CPT1A: variants seen among roughly 807,000 people sequenced by gnomAD.
The protein encoded by CPT1A is carnitine O-palmitoyltransferase 1, liver isoform.
In CPT1A, 64 loss-of-function variants were observed where a neutral mutation model predicts 100.8. The observed-to-expected ratio is 0.63, with a 90% CI of 0.52 to 0.78. CPT1A has a LOEUF of 0.78. CPT1A is among the 30% of genes least tolerant of loss of function. CPT1A has a pLI of 0.00. For synonymous variants in CPT1A, 363 were observed against 396.0 expected, an observed-to-expected ratio of 0.92 and a Z score of 0.99; for missense variants, 802 against 1,034.1, an observed-to-expected ratio of 0.78 and a Z score of 3.08.
intron 12 of CPT1A, among the ~76,000 whole-genome samples, chr11:68,779,006 G>A (rs542669353): frequency 3.2e-4 from 48 of 152,092 alleles, no homozygotes; most frequent in African/African-American, 1.1e-3. Flanking sequence ...GGATGGTCTC[G>A]TTCTCCTGAC....
intron 13 of CPT1A, chr11:68,773,647 A>G (rs1405941967): frequency 1.0e-5 from 7 of 680,144 alleles, no homozygotes; most frequent in Non-Finnish European, 1.4e-5. Flanking sequence ...CGGGTCTGAC[A>G]TGAGCAGGCC....
chr11:68,838,357 C>T (rs1264389632), intron 1 of CPT1A, among the ~76,000 whole-genome samples: 1 of 151,902 alleles, frequency 6.6e-6, no homozygotes, highest in Non-Finnish European at 1.5e-5. Context: ...GGAGATCCAA[C>T]CTTCACCTGA....
At chr11:68,828,403 G>GCC (rs34854628) in intron 1 of CPT1A, among the ~76,000 whole-genome samples, 108,720 of 151,526 alleles carry the variant, frequency 0.72, 42,135 homozygotes, top group Non-Finnish European at 0.87. Flanking sequence ...CTGGGTCAGG[G>GCC]CCCCCCACCT....
chr11:68,776,507 T>G (rs1024419027), intron 12 of CPT1A, among the ~76,000 whole-genome samples: 9 of 152,206 alleles, frequency 5.9e-5, no homozygotes, highest in African/African-American at 1.7e-4. Context: ...GGCACATACA[T>G]ACACACAGAA....
chr11:68,834,443 A>G (rs1307881975), intron 1 of CPT1A, among the ~76,000 whole-genome samples: 1 of 152,022 alleles, frequency 6.6e-6, no homozygotes, highest in Non-Finnish European at 1.5e-5. Context: ...CTCAAAAAAT[A>G]AAAATAATAA....
At chr11:68,779,409 G>A (rs1229482103) in intron 12 of CPT1A, among the ~76,000 whole-genome samples, 1 of 150,178 alleles carries the variant, frequency 6.7e-6, no homozygotes, top group Non-Finnish European at 1.5e-5. Flanking sequence ...GAACCTGACC[G>A]GTGAGTTAAG....
intron 9 of CPT1A, among the ~76,000 whole-genome samples, chr11:68,788,529 G>A (rs1427645236): frequency 6.6e-6 from 1 of 151,158 alleles, no homozygotes; most frequent in Non-Finnish European, 1.5e-5. Flanking sequence ...AAACTGGAAG[G>A]TGCGGTTTGC....
chr11:68,769,449 C>T (rs1364684062), intron 14 of CPT1A, among the ~76,000 whole-genome samples: 65 of 150,376 alleles, frequency 4.3e-4, no homozygotes, highest in Admixed American at 4.0e-3. Context: ...TAGAGTCTCC[C>T]CATATTGCCC....
intron 14 of CPT1A, among the ~76,000 whole-genome samples, chr11:68,769,408 T>TC (rs1854922058): frequency 6.6e-6 from 1 of 150,922 alleles, no homozygotes; most frequent in Admixed American, 6.6e-5. Context: ...GGCTAATTTT[T>TC]TTTTTTTTTT....
chr11:68,843,810 G>A (rs894986475), upstream of CPT1A, among the ~76,000 whole-genome samples: 1 of 152,214 alleles, frequency 6.6e-6, no homozygotes, highest in Non-Finnish European at 1.5e-5. This position sits in a 1 kb window ranked among gnomAD's most constrained non-coding sequence, Gnocchi z 4.0. Context: ...TGCACCCCAC[G>A]AGCCCGGGCG....
At position 68,757,347 on chromosome 11, in the gene CPT1A, T is replaced by C. The variant is rs192951318; in HGVS notation, c.*297A>G. ...GTGTGTGAAGCCACAACCCTACTAA[T>C]TCCTTCATTAACTCAACAAGATTTG... On this transcript the variant is annotated 3_prime_UTR_variant, in exon 19 of 19. Transcript: ENST00000265641. 1 of 1,281,764 alleles carries C rather than the reference T, an allele frequency of 7.8e-7. No homozygotes were observed. Among genetic ancestry groups the C allele is most frequent in the East Asian group, 3.8e-5 (1 of 26,138 alleles). The allele number at this position is 1,281,764 out of a possible 1,614,324, so 79.4% of individuals were successfully genotyped here.
At chr11:68,801,645 A>G (rs906608035) in intron 5 of CPT1A, among the ~76,000 whole-genome samples, 3 of 145,354 alleles carry the variant, frequency 2.1e-5, no homozygotes, top group African/African-American at 5.6e-5. Context: ...AAAAAAAAAG[A>G]GCAGAGATGG....
At chr11:68,814,906 T>A (rs1856340725) in intron 2 of CPT1A, among the ~76,000 whole-genome samples, 1 of 151,548 alleles carries the variant, frequency 6.6e-6, no homozygotes, top group African/African-American at 2.4e-5. Context: ...AGGCTGGTCT[T>A]AAACTCCTGA....
intron 14 of CPT1A, among the ~76,000 whole-genome samples, chr11:68,766,284 C>T: frequency 6.6e-6 from 1 of 152,072 alleles, no homozygotes; most frequent in Non-Finnish European, 1.5e-5. Flanking sequence ...TCCTAGGCTG[C>T]CCAAGGGGTC....
chr11:68,764,529 G>A (rs1337103223), intron 14 of CPT1A, among the ~76,000 whole-genome samples: 4 of 152,076 alleles, frequency 2.6e-5, no homozygotes, highest in Non-Finnish European at 5.9e-5. Context: ...GCTGGGGAAC[G>A]GGGAGCCGGA....
At chr11:68,766,573 C>T (rs943159819) in intron 14 of CPT1A, among the ~76,000 whole-genome samples, 4 of 152,110 alleles carry the variant, frequency 2.6e-5, no homozygotes, top group African/African-American at 9.7e-5. Context: ...ATAACCTCCG[C>T]CTCCCAGGTT....
chr11:68,789,800 A>G (rs147511241), intron 9 of CPT1A, among the ~76,000 whole-genome samples: 188 of 152,194 alleles, frequency 1.2e-3, no homozygotes, highest in African/African-American at 4.3e-3. Context: ...TTCCTTTCCA[A>G]TTAGGATCTT....
intron 2 of CPT1A, among the ~76,000 whole-genome samples, chr11:68,814,511 T>C (rs1856326013): frequency 6.6e-6 from 1 of 151,980 alleles, no homozygotes; most frequent in African/African-American, 2.4e-5. Context: ...GGTTTCACCA[T>C]GTTAGCCAGG....
chr11:68,778,769 C>T (rs1286606970), intron 12 of CPT1A, among the ~76,000 whole-genome samples: 1 of 151,932 alleles, frequency 6.6e-6, no homozygotes, highest in Admixed American at 6.6e-5. Context: ...ATGATGTCTT[C>T]ACAAGTTTAC....
Sources: allele counts gnomAD v4.1 joint callset (sites outside exome capture counted in the v4.1 genomes callset), GRCh38; gene constraint gnomAD v4.1.1; non-coding constraint Gnocchi (gnomAD v3.1); transcripts MANE v1.5; gene names NCBI Gene and HGNC (gene_info 2026-07-23, HGNC 2026-07-21).